The following PIK3R3 variants were observed in gnomAD, a reference collection of about 807,000 sequenced individuals.
PIK3R3 encodes phosphoinositide-3-kinase regulatory subunit 3.
PIK3R3 carries 64 observed loss-of-function variants against 62.9 expected under a neutral mutation model. The observed-to-expected ratio is 1.02, with a 90% confidence interval of 0.83 to 1.25. The LOEUF is 1.25. PIK3R3 is among the 50% of genes most tolerant of loss of function. The pLI is 0.00. For missense variants in PIK3R3, 614 were observed against 561.6 expected (o/e 1.09, Z -0.94); for synonymous variants, 165 against 189.0 (o/e 0.87, Z 1.04).
chr1:46,071,993 T>G (rs1649583614), intron 3 of PIK3R3, among the ~76,000 whole-genome samples: 1 of 151,980 alleles, frequency 6.6e-6, no homozygotes, highest in Admixed American at 6.6e-5. Context: ...CTCCGTATAT[T>G]TGCTCCTATT....
intron 1 of PIK3R3, among the ~76,000 whole-genome samples, chr1:46,100,450 G>T (rs927389750): frequency 6.6e-6 from 1 of 151,916 alleles, no homozygotes; most frequent in Non-Finnish European, 1.5e-5. Flanking sequence ...CTTTATATTC[G>T]GGGGTTCTAT....
At chr1:46,053,696 T>C (rs1647593180) in intron 7 of PIK3R3, among the ~76,000 whole-genome samples, 1 of 152,104 alleles carries the variant, frequency 6.6e-6, no homozygotes, top group Admixed American at 6.5e-5. Flanking sequence ...CTGTGAGAAA[T>C]TTCTGGTATT....
intron 1 of PIK3R3, among the ~76,000 whole-genome samples, chr1:46,109,619 G>T (rs942201997): frequency 1.3e-5 from 2 of 152,030 alleles, no homozygotes; most frequent in Non-Finnish European, 2.9e-5. Context: ...GAGTAGCTGG[G>T]ATTACAGGCG....
At chr1:46,096,367 T>C (rs1304980178) in intron 1 of PIK3R3, among the ~76,000 whole-genome samples, 1 of 152,234 alleles carries the variant, frequency 6.6e-6, no homozygotes, top group Non-Finnish European at 1.5e-5. Context: ...TGGTTGATTA[T>C]ATCACCATAG....
the PIK3R3 span, among the ~76,000 whole-genome samples, chr1:46,168,713 C>G: frequency 1.3e-5 from 2 of 152,340 alleles, no homozygotes; most frequent in East Asian, 3.9e-4. Context: ...GGTGTCAACA[C>G]ATCATGATGC....
At chr1:46,095,294 G>C (rs1571478270) in intron 1 of PIK3R3, among the ~76,000 whole-genome samples, 1 of 152,178 alleles carries the variant, frequency 6.6e-6, no homozygotes. Flanking sequence ...GGAATACTAT[G>C]CAGCCATAAA....
intron 1 of PIK3R3, among the ~76,000 whole-genome samples, chr1:46,119,770 C>T (rs918595179): frequency 6.8e-6 from 1 of 147,026 alleles, no homozygotes; most frequent in Non-Finnish European, 1.5e-5. Context: ...TAACCAACTC[C>T]TAATTTTTTT....
At chr1:46,140,655 T>G in the PIK3R3 span, among the ~76,000 whole-genome samples, 2 of 151,542 alleles carry the variant, frequency 1.3e-5, no homozygotes, top group African/African-American at 4.9e-5. Flanking sequence ...GAGATTGGAG[T>G]GATATATCTA....
Position 46,066,053 on chromosome 1 carries a change from C to G in PIK3R3, c.621+1G>C, listed in dbSNP as rs758300328. The G allele has an allele frequency of 2.5e-6, 4 of 1,607,510 alleles. No individual in the cohort carries two copies. In the South Asian group the frequency reaches 4.4e-5, roughly 18 times the overall value. ...AGTCAAAAACAACATAATATACCAA[C>G]CTGGGATGTTCTAGTATATTCTTCA... On this transcript the variant is annotated splice_donor_variant, in intron 5 of 9. Transcript: ENST00000262741. LOFTEE classifies it high-confidence loss of function.
rs1647047556 is a variant in PIK3R3, at chr1:46,043,987, G to T, written c.1188-116C>A. 1.0e-5 allele frequency: 9 copies of T among 899,880 alleles called. No homozygotes were observed. The South Asian group carries it at 1.5e-4, about 15-fold the overall frequency. The allele number at this position is 899,880 out of a possible 1,614,324, so 55.7% of individuals were successfully genotyped here. A position where few individuals can be genotyped will look rare whatever the true frequency, so the allele number is the denominator to read the frequency against. ...GCAAACAAGTGTTTTTTGTTAACCAGGCAAAGCTTGTGAAATTGCGTTCCC... is the reference window on the plus strand; with the variant it reads ...GCAAACAAGTGTTTTTTGTTAACCATGCAAAGCTTGTGAAATTGCGTTCCC... On this transcript the variant is annotated intron_variant, in intron 9 of 9. Transcript: ENST00000262741.
At chr1:46,068,707 C>A (rs1036373665) in intron 3 of PIK3R3, among the ~76,000 whole-genome samples, 1 of 151,956 alleles carries the variant, frequency 6.6e-6, no homozygotes, top group Non-Finnish European at 1.5e-5. Context: ...TTGGCATGTT[C>A]GAGGAACAGC....
chr1:46,134,686 C>G (rs1358671840), upstream of PIK3R3: 1 of 152,172 alleles, frequency 6.6e-6, no homozygotes, highest in East Asian at 1.9e-4. Flanking sequence ...CACGGGTGTT[C>G]ATGTGCATTC....
chr1:46,070,549 G>A (rs1031407166), intron 3 of PIK3R3, among the ~76,000 whole-genome samples: 3 of 152,192 alleles, frequency 2.0e-5, no homozygotes, highest in Non-Finnish European at 4.4e-5. Flanking sequence ...AATGCATTGT[G>A]GAAATGCAGA....
intron 1 of PIK3R3, among the ~76,000 whole-genome samples, chr1:46,116,805 T>C (rs1013512809): frequency 1.3e-5 from 2 of 152,180 alleles, no homozygotes; most frequent in African/African-American, 4.8e-5. Flanking sequence ...TATTCTTTTC[T>C]ATGCTATACA....
In PIK3R3 at chr1:46,109,634, C is replaced by G. The variant is rs140595913; in HGVS notation, c.106+22213G>C. Among the ~76,000 whole-genome samples the G allele has an allele frequency of 1.6e-4, 25 of 152,190 alleles. No homozygotes were observed. The East Asian group carries it at 4.8e-3, about 29-fold the overall frequency. ...GAGTAGCTGGGATTACAGGCGCCCG[C>G]CAACACCCCCGGCTAGTTTTTTTGC... On this transcript the variant is annotated intron_variant, in intron 1 of 9. Transcript: ENST00000262741.
Position 46,042,557 on chromosome 1 carries a change from A to C in PIK3R3, c.*1116T>G. On this transcript the variant is annotated 3_prime_UTR_variant, in exon 10 of 10. Transcript: ENST00000262741. This position sits in a 1 kb window ranked among gnomAD's most constrained non-coding sequence, Gnocchi z 4.3. Reference sequence around the variant, plus strand: ...AGCAACCTATAGCTCCCAAAACCCCATCCAGCAAAGGAGGGGGAAATGAAG... The same window carrying C: ...AGCAACCTATAGCTCCCAAAACCCCCTCCAGCAAAGGAGGGGGAAATGAAG... 3 of 215,766 alleles carry C rather than the reference A, an allele frequency of 1.4e-5. No individual in the cohort carries two copies. Among genetic ancestry groups the C allele is most frequent in the Non-Finnish European group, 1.9e-5 (2 of 106,800 alleles). 13.4% of individuals were successfully genotyped at this position (215,766 alleles called of 1,614,324 possible). A position where few individuals can be genotyped will look rare whatever the true frequency, so the allele number is the denominator to read the frequency against.
At chr1:46,091,689 GT>G (rs1169990256) in intron 1 of PIK3R3, among the ~76,000 whole-genome samples, 2 of 152,036 alleles carry the variant, frequency 1.3e-5, no homozygotes, top group Admixed American at 1.3e-4. Context: ...AAATTTGAGG[GT>G]ATTCAAAACC....
intron 1 of PIK3R3, among the ~76,000 whole-genome samples, chr1:46,081,965 A>G (rs545976254): frequency 1.0e-3 from 156 of 152,302 alleles, no homozygotes; most frequent in African/African-American, 3.4e-3. Flanking sequence ...ATAACTCATT[A>G]AACAAAATAG....
intron 1 of PIK3R3, among the ~76,000 whole-genome samples, chr1:46,115,524 A>C (rs1654109874): frequency 6.6e-6 from 1 of 152,234 alleles, no homozygotes; most frequent in Non-Finnish European, 1.5e-5. Context: ...AATGAATAAT[A>C]CTGCATGGTC....
Sources: allele counts gnomAD v4.1 joint callset (sites outside exome capture counted in the v4.1 genomes callset), GRCh38; gene constraint gnomAD v4.1.1; non-coding constraint Gnocchi (gnomAD v3.1); transcripts MANE v1.5; gene names NCBI Gene and HGNC (gene_info 2026-07-23, HGNC 2026-07-21).